The following HEMGN variants were observed in gnomAD, a reference collection of about 807,000 sequenced individuals.
The protein encoded by HEMGN is hemogen.
In HEMGN, 32 loss-of-function variants were observed where a neutral mutation model predicts 45.7. The ratio of observed to expected loss-of-function variants is 0.70; its 90% CI spans 0.53 to 0.94. The LOEUF is 0.94. Ranked by LOEUF, HEMGN falls within the 40% of genes least tolerant of loss-of-function variation. The pLI is 0.00. For synonymous variants in HEMGN, 183 were observed against 178.6 expected (o/e 1.02, Z -0.20); for missense variants, 530 against 564.2 (o/e 0.94, Z 0.61).
rs540142457 is a variant in HEMGN at position 97,936,838 on chromosome 9, T to A, written c.80-574A>T. On this transcript the variant is annotated intron_variant, in intron 1 of 3. Transcript: ENST00000616898. ...ATTGTTGCTAGTTATCTTTGCCTTG[T>A]ATATCAAATTATAATAAGCATATTC... Among the ~76,000 whole-genome samples, 88 of 152,348 alleles carry A rather than the reference T, an allele frequency of 5.8e-4. 1 individual carries two copies. Among genetic ancestry groups the A allele is most frequent in the Middle Eastern group, 3.4e-3 (1 of 294 alleles).
chr9:97,936,622 CCA>C (rs1327038962), intron 1 of HEMGN, among the ~76,000 whole-genome samples: 8 of 152,158 alleles, frequency 5.3e-5, no homozygotes, highest in African/African-American at 1.9e-4. Context: ...TCACTTCTAT[CCA>C]GTCTTTATAT....
Position 97,927,216 on chromosome 9 carries a change from T to G in HEMGN, c.*168A>C. On this transcript the variant is annotated 3_prime_UTR_variant, in exon 4 of 4. Transcript: ENST00000616898. ...ACACACACATTCTAGCATGATATTG[T>G]CTATGTGGTAGAGCCTTAAAAAATG... 2.0e-6 allele frequency: 1 copy of G among 506,592 alleles called. No homozygotes were observed. Among genetic ancestry groups the G allele is most frequent in the South Asian group, 2.9e-5 (1 of 34,030 alleles). 31.4% of individuals were successfully genotyped at this position (506,592 alleles called of 1,614,324 possible).
chr9:97,932,719 G>T (rs1009425368), intron 2 of HEMGN, among the ~76,000 whole-genome samples: 1 of 150,018 alleles, frequency 6.7e-6, no homozygotes, highest in Non-Finnish European at 1.5e-5. Flanking sequence ...CAAGAGAATC[G>T]CTTGAACCCA....
At chr9:97,939,482 T>C (rs1403785415), upstream of HEMGN, among the ~76,000 whole-genome samples, 1 of 152,206 alleles carries the variant, frequency 6.6e-6, no homozygotes, top group African/African-American at 2.4e-5. Flanking sequence ...CCATGGAGTC[T>C]TAAGGCATTA....
chr9:97,930,282 A>G lies in HEMGN; in HGVS notation c.1113T>C (p.Tyr371=), dbSNP rs1651463182. 6.2e-7 allele frequency: 1 copy of G among 1,613,844 alleles called. No homozygotes were observed. Among genetic ancestry groups the G allele is most frequent in the Admixed American group, 1.7e-5 (1 of 59,980 alleles). ...PGSEKYSPET[Y]QEIPGLEEYS... ...ATTCTTCAAGCCCAGGTATTTCTTG[A>G]TACGTTTCAGGTGAATATTTTTCAG... is the stretch of plus-strand genomic sequence containing the variant. Residue 371 remains tyrosine (Y), a synonymous_variant, in exon 3 of 4, where the codon TAT becomes TAC. Transcript: ENST00000616898.
chr9:97,943,233 G>T (rs1454735409), intron 1 of HEMGN, among the ~76,000 whole-genome samples: 1 of 152,224 alleles, frequency 6.6e-6, no homozygotes, highest in Non-Finnish European at 1.5e-5. Flanking sequence ...ATATTAGAGT[G>T]TTCTAATGAT....
At chr9:97,939,462 C>T (rs1419933142), upstream of HEMGN, among the ~76,000 whole-genome samples, 1 of 152,182 alleles carries the variant, frequency 6.6e-6, no homozygotes, top group Non-Finnish European at 1.5e-5. Context: ...TGAATAGATA[C>T]CCACTACTTC....
At chr9:97,933,096 A>C (rs1826987806) in intron 2 of HEMGN, among the ~76,000 whole-genome samples, 1 of 152,166 alleles carries the variant, frequency 6.6e-6, no homozygotes, top group Non-Finnish European at 1.5e-5. Flanking sequence ...TGTGGCCTAA[A>C]CTTTAGTCTG....
intron 2 of HEMGN, among the ~76,000 whole-genome samples, chr9:97,932,894 A>G (rs1826983323): frequency 6.6e-6 from 1 of 152,162 alleles, no homozygotes; most frequent in African/African-American, 2.4e-5. Context: ...GTGACAAGAT[A>G]AATCATAAAA....
At chr9:97,939,630 T>A (rs1827122620), upstream of HEMGN, among the ~76,000 whole-genome samples, 1 of 152,214 alleles carries the variant, frequency 6.6e-6, no homozygotes, top group Non-Finnish European at 1.5e-5. Flanking sequence ...AGGAGATGGG[T>A]CATCATTTTG....
chr9:97,930,350 A>C lies in HEMGN; in HGVS notation c.1045T>G (p.Ser349Ala), dbSNP rs766851402. 2 of 1,613,516 alleles carry C rather than the reference A, an allele frequency of 1.2e-6. No homozygotes were observed. Among genetic ancestry groups the C allele is most frequent in the African/African-American group, 2.7e-5 (2 of 74,770 alleles). The change falls in exon 3 of 4, where the codon TCT becomes GCT. Residue 349 changes from serine to alanine, a missense_variant. Ser to Ala is a moderately conservative substitution (Grantham distance 99, BLOSUM62 1). Coordinates refer to ENST00000616898, the MANE Select transcript of HEMGN (RefSeq NM_197978.3). Reference protein sequence around the residue: ...SHKTIQETPHSEDYSIEINQE... With the variant: ...SHKTIQETPHAEDYSIEINQE... Reference sequence around the variant, plus strand: ...TTTATTTCAATTGAATAGTCTTCAGAATGAGGTGTTTCTTGGATTGTTTTA... The same window carrying C: ...TTTATTTCAATTGAATAGTCTTCAGCATGAGGTGTTTCTTGGATTGTTTTA...
intron 2 of HEMGN, among the ~76,000 whole-genome samples, chr9:97,933,338 TATCTC>T (rs1474353886): frequency 2.6e-5 from 4 of 152,238 alleles, no homozygotes; most frequent in Admixed American, 1.3e-4. Flanking sequence ...GTTATTTTGT[TATCTC>T]ATATAATCTT....
chr9:97,937,011 C>G (rs1429407478), intron 1 of HEMGN, among the ~76,000 whole-genome samples: 2 of 152,042 alleles, frequency 1.3e-5, no homozygotes, highest in African/African-American at 4.8e-5. Context: ...CTTCCTAGAG[C>G]CTGTGAAGTG....
chr9:97,941,493 A>G (rs1827152502), upstream of HEMGN, among the ~76,000 whole-genome samples: 1 of 152,220 alleles, frequency 6.6e-6, no homozygotes, highest in Non-Finnish European at 1.5e-5. Flanking sequence ...AAGAAGAACA[A>G]TCAGAATGGT....
chr9:97,928,322 G>A (rs1370682320), intron 3 of HEMGN, among the ~76,000 whole-genome samples: 1 of 152,104 alleles, frequency 6.6e-6, no homozygotes, highest in Non-Finnish European at 1.5e-5. Context: ...CACCGCGCCC[G>A]GCCGATCAAG....
chr9:97,934,707 T>G (rs539605365), intron 2 of HEMGN, among the ~76,000 whole-genome samples: 1 of 152,198 alleles, frequency 6.6e-6, no homozygotes, highest in East Asian at 1.9e-4. Context: ...TTACAGTGGT[T>G]ATGGAGGTGG....
chr9:97,937,494 T>C (rs1318341787), intron 1 of HEMGN, among the ~76,000 whole-genome samples: 7 of 152,140 alleles, frequency 4.6e-5, no homozygotes, highest in Non-Finnish European at 4.4e-5. Context: ...GATACTATTA[T>C]TAGACCCACC....
rs757490390 is a variant in HEMGN, at chr9:97,930,726, A to C, written c.669T>G (p.Ala223=). 1.9e-6 allele frequency: 3 copies of C among 1,614,206 alleles called. No homozygotes were observed. The South Asian group carries it at 3.3e-5, about 18-fold the overall frequency. The change falls in exon 3 of 4, where the codon GCT becomes GCG. Residue 223 remains alanine (A), a synonymous_variant. Coordinates refer to ENST00000616898, the MANE Select transcript of HEMGN (RefSeq NM_197978.3). ...TTTTAGGAGCCAGATCTTCTCGTTTAGCCATATCTTGGTACATTTTGAAAG... is the reference window on the plus strand; with the variant it reads ...TTTTAGGAGCCAGATCTTCTCGTTTCGCCATATCTTGGTACATTTTGAAAG... ...DHPFKMYQDM[A]KREDLAPKMC...
Position 97,930,452 on chromosome 9 carries a change from G to A in HEMGN, c.943C>T (p.His315Tyr). Residue 315 changes from histidine to tyrosine, a missense_variant, in exon 3 of 4, where the codon CAC (histidine) becomes TAC (tyrosine). Transcript: ENST00000616898. ...AEPKDLSTKT[H>Y]QESAEPKYLP... ...TATTTAGGTTCAGCTGATTCTTGGTGTGTTTTTGTAGAAAGGTCTTTAGGC... is the reference window on the plus strand; with the variant it reads ...TATTTAGGTTCAGCTGATTCTTGGTATGTTTTTGTAGAAAGGTCTTTAGGC... 6.2e-7 allele frequency: 1 copy of A among 1,614,136 alleles called. No individual in the cohort carries two copies.
Sources: allele counts gnomAD v4.1 joint callset (sites outside exome capture counted in the v4.1 genomes callset), GRCh38; gene constraint gnomAD v4.1.1; transcripts MANE v1.5; gene names NCBI Gene and HGNC (gene_info 2026-07-23, HGNC 2026-07-21).